The following CBFA2T2 variants were observed in gnomAD, a reference collection of about 807,000 sequenced individuals.
CBFA2T2 encodes protein CBFA2T2.
A neutral mutation model predicts 62.2 loss-of-function variants in CBFA2T2; 11 were observed. That is an observed-to-expected ratio of 0.18 (90% confidence interval 0.11 to 0.29). The LOEUF (loss-of-function observed/expected upper bound fraction) is 0.29. Among genes scored for constraint, CBFA2T2 ranks in the 10% least tolerant of loss-of-function variants. CBFA2T2 has a pLI of 1.00. For missense variants in CBFA2T2, 592 were observed against 774.1 expected (o/e 0.76, Z 2.79); for synonymous variants, 295 against 287.5 (o/e 1.03, Z -0.27).
In CBFA2T2 at chr20:33,599,529, T is replaced by C. The variant is rs143241650; in HGVS notation, c.35-7427T>C. On this transcript the variant is annotated intron_variant, in intron 1 of 10. Coordinates refer to ENST00000342704, the MANE Select transcript of CBFA2T2 (RefSeq NM_001032999.3). ...ACATGTTAAAGTATTGATTTTGTTT[T>C]AATTGTGCTCCATCTTCTATCTTCA... Among the ~76,000 whole-genome samples the C allele has an allele frequency of 3.7e-3, 569 of 152,282 alleles. 2 individuals are homozygous for C. The highest frequency in any genetic ancestry group is 4.1e-3 in the Non-Finnish European group (280 of 68,024).
At chr20:33,514,240 A>T (rs1307092593) in intron 1 of CBFA2T2, among the ~76,000 whole-genome samples, 1 of 97,110 alleles carries the variant, frequency 1.0e-5, no homozygotes, top group Non-Finnish European at 1.9e-5. Flanking sequence ...TTTGAGATAG[A>T]GTCTTACTCT....
chr20:33,624,433 A>G (rs1379570234), intron 5 of CBFA2T2, among the ~76,000 whole-genome samples: 1 of 151,944 alleles, frequency 6.6e-6, no homozygotes, highest in Non-Finnish European at 1.5e-5. Context: ...AACAAATTTG[A>G]CCTTAATACT....
chr20:33,634,782 T>TC (rs1474138844), intron 8 of CBFA2T2, among the ~76,000 whole-genome samples: 1 of 151,042 alleles, frequency 6.6e-6, no homozygotes, highest in African/African-American at 2.4e-5. Flanking sequence ...CAGATGGACC[T>TC]CATTCAGTGT....
chr20:33,627,272 C>CT (rs2016269485), intron 6 of CBFA2T2, among the ~76,000 whole-genome samples: 2 of 152,054 alleles, frequency 1.3e-5, no homozygotes, highest in Non-Finnish European at 2.9e-5. Context: ...TTACAGGCAC[C>CT]TGTAGTCCCA....
chr20:33,632,232 T>C (rs2016480904), intron 8 of CBFA2T2, among the ~76,000 whole-genome samples: 1 of 151,840 alleles, frequency 6.6e-6, no homozygotes, highest in African/African-American at 2.4e-5. Flanking sequence ...TTAGTAGAGA[T>C]GGGGTTTCAC....
intron 1 of CBFA2T2, among the ~76,000 whole-genome samples, chr20:33,585,473 C>T (rs995371117): frequency 1.3e-5 from 2 of 152,070 alleles, no homozygotes; most frequent in South Asian, 2.1e-4. Context: ...AATGAATGAT[C>T]CTTCATAATT....
chr20:33,624,236 T>TAAA (rs373462820), intron 5 of CBFA2T2, among the ~76,000 whole-genome samples: 72 of 70,012 alleles, frequency 1.0e-3, no homozygotes, highest in African/African-American at 2.3e-3. Flanking sequence ...TTTTTAAAAG[T>TAAA]AAAAAAAAAA....
intron 1 of CBFA2T2, among the ~76,000 whole-genome samples, chr20:33,501,651 T>TTTG (rs2011283399): frequency 7.4e-6 from 1 of 135,044 alleles, no homozygotes; most frequent in African/African-American, 2.8e-5. Context: ...TTTTTTTTTT[T>TTTG]TTTTTTTGAG....
chr20:33,492,345 T>TG (rs942303499), intron 1 of CBFA2T2, among the ~76,000 whole-genome samples: 4 of 151,432 alleles, frequency 2.6e-5, no homozygotes, highest in African/African-American at 4.8e-5. Flanking sequence ...TTGAAAAAAT[T>TG]GGGGGGCTCT....
chr20:33,536,453 G>A (rs888062865), intron 1 of CBFA2T2, among the ~76,000 whole-genome samples: 3 of 149,296 alleles, frequency 2.0e-5, no homozygotes, highest in East Asian at 3.9e-4. Context: ...CCTCCCGGAC[G>A]GGGCGGCTGG....
chr20:33,491,006 T>G (rs1048100539), intron 1 of CBFA2T2, among the ~76,000 whole-genome samples: 3 of 152,194 alleles, frequency 2.0e-5, no homozygotes, highest in Admixed American at 6.6e-5. Context: ...GTGTTAAGAT[T>G]TTGTTTTGTT....
At chr20:33,573,069 G>C (rs916288411) in intron 1 of CBFA2T2, among the ~76,000 whole-genome samples, 5 of 152,140 alleles carry the variant, frequency 3.3e-5, no homozygotes, top group Non-Finnish European at 5.9e-5. Context: ...TGTCAAATCT[G>C]TCTTCCTTAT....
intron 1 of CBFA2T2, among the ~76,000 whole-genome samples, chr20:33,494,171 G>C (rs558232309): frequency 1.4e-5 from 2 of 146,208 alleles, no homozygotes; most frequent in Admixed American, 1.4e-4. Context: ...GTGAGCTACC[G>C]CGCCTGGCCT....
At chr20:33,578,734 A>G (rs746089595) in intron 1 of CBFA2T2, among the ~76,000 whole-genome samples, 2 of 152,236 alleles carry the variant, frequency 1.3e-5, no homozygotes, top group African/African-American at 2.4e-5. Flanking sequence ...CTCTGGCACC[A>G]TTCCCACATC....
intron 1 of CBFA2T2, among the ~76,000 whole-genome samples, chr20:33,495,812 C>T (rs1228787093): frequency 3.9e-5 from 6 of 152,182 alleles, no homozygotes. Flanking sequence ...ACTTCAGGCT[C>T]ATTACTTAAC....
intron 1 of CBFA2T2, among the ~76,000 whole-genome samples, chr20:33,497,590 G>A (rs1230791401): frequency 3.7e-5 from 5 of 134,508 alleles, no homozygotes; most frequent in South Asian, 2.3e-4. Context: ...TCACTCTGTC[G>A]CTAGGCTACA....
chr20:33,494,988 C>T (rs2011184647), intron 1 of CBFA2T2, among the ~76,000 whole-genome samples: 1 of 152,228 alleles, frequency 6.6e-6, no homozygotes, highest in South Asian at 2.1e-4. Context: ...TGTCTTTCTA[C>T]ACCCAGTGGT....
Position 33,574,849 on chromosome 20 carries a change from G to T in CBFA2T2, c.35-32107G>T, listed in dbSNP as rs566310326. Among the ~76,000 whole-genome samples, 8 of 152,200 alleles carry T rather than the reference G, an allele frequency of 5.3e-5. 1 individual carries two copies. The highest frequency in any genetic ancestry group is 1.9e-4 in the African/African-American group (8 of 41,536). ...CAAAGGGTTTGAATTTTGGTTGTGT[G>T]GTGTGAAGAATGATTGGTCTTAAAA... On this transcript the variant is annotated intron_variant, in intron 1 of 10. Transcript: ENST00000342704.
chr20:33,530,545 G>T (rs1468456287), intron 1 of CBFA2T2, among the ~76,000 whole-genome samples: 2 of 151,934 alleles, frequency 1.3e-5, no homozygotes, highest in Non-Finnish European at 2.9e-5. Flanking sequence ...AGCCCCCCAG[G>T]TAGCTGGGAT....
Sources: gnomAD v4.1 joint callset for allele counts (sites outside exome capture counted in the v4.1 genomes callset) on GRCh38, gnomAD v4.1.1 for gene constraint, MANE v1.5 for transcripts, NCBI Gene and HGNC (gene_info 2026-07-23, HGNC 2026-07-21) for gene names.